Variants in ADK observed in about 807,000 individuals in gnomAD.
ADK encodes the protein N6,N6-dimethyladenosine kinase.
ADK carries 24 observed loss-of-function variants against 44.7 expected under a neutral mutation model. That is an observed-to-expected ratio of 0.54 (90% CI 0.39 to 0.76). ADK has a LOEUF of 0.76. Among genes scored for constraint, ADK ranks in the 30% least tolerant of loss-of-function variants. The pLI, the probability that ADK is intolerant of heterozygous loss-of-function variation, is 0.00. For synonymous variants in ADK, 128 were observed against 142.6 expected (o/e 0.90, Z 0.73); for missense variants, 321 against 425.1 (o/e 0.76, Z 2.15).
At position 74,542,907 on chromosome 10, in the gene ADK, TA is replaced by T. The variant is rs542279674; in HGVS notation, c.726+17482del. 6.9e-4 allele frequency among the ~76,000 whole-genome samples: 105 copies of T among 151,694 alleles called. 1 individual carries two copies. Among genetic ancestry groups the T allele is most frequent in the African/African-American group, 2.5e-3 (102 of 41,434 alleles). On this transcript the variant is annotated intron_variant, in intron 7 of 10. Transcript: ENST00000539909. The stretch of plus-strand genomic sequence containing the variant: ...TTAGTTATTTATTTATTTATTTATT[TA>T]TTTTTTTAATGAGATGGAGTCTCGC...
At chr10:74,567,699 GTT>G (rs56042541) in intron 7 of ADK, among the ~76,000 whole-genome samples, 24,501 of 111,122 alleles carry the variant, frequency 0.22, 1,735 homozygotes, top group East Asian at 0.49. Flanking sequence ...TGTTTTTTTT[GTT>G]TTTTTTTTTT....
chr10:74,672,350 C>CA (rs1036140119), intron 10 of ADK, among the ~76,000 whole-genome samples: 1 of 152,124 alleles, frequency 6.6e-6, no homozygotes, highest in African/African-American at 2.4e-5. Context: ...TCCAGCTGTA[C>CA]AAAAACATAC....
chr10:74,645,198 G>A (rs1854012457), intron 9 of ADK, among the ~76,000 whole-genome samples: 1 of 152,112 alleles, frequency 6.6e-6, no homozygotes, highest in South Asian at 2.1e-4. Context: ...TTATCCATAT[G>A]TGCCCATAAA....
At chr10:74,190,961 C>T (rs1166812780) in intron 1 of ADK, among the ~76,000 whole-genome samples, 1 of 147,204 alleles carries the variant, frequency 6.8e-6, no homozygotes, top group Non-Finnish European at 1.5e-5. Context: ...ATTCAGAGTT[C>T]TGAAAAAGGC....
intron 7 of ADK, among the ~76,000 whole-genome samples, chr10:74,555,417 G>A (rs190084374): frequency 2.0e-5 from 3 of 152,100 alleles, no homozygotes; most frequent in Admixed American, 6.6e-5. Context: ...AGATGGAAGT[G>A]GGGGAGAGAG....
Position 74,316,256 on chromosome 10 carries a change from G to GA in ADK, c.273+1518dup, listed in dbSNP as rs1309728892. 8.6e-5 allele frequency among the ~76,000 whole-genome samples: 13 copies of GA among 151,698 alleles called. 2 individuals are homozygous for GA. The highest frequency in any genetic ancestry group is 2.9e-4 in the African/African-American group (12 of 41,390). On this transcript the variant is annotated intron_variant, in intron 4 of 10. Coordinates refer to ENST00000539909, the MANE Select transcript of ADK (RefSeq NM_006721.4). ...CTCCATCTCAAAAAAAAAAAAGAGA[G>GA]AAAAAAAGGATGATTTACTTAAGCC...
chr10:74,275,806 A>G (rs747255605), intron 3 of ADK, among the ~76,000 whole-genome samples: 3 of 151,956 alleles, frequency 2.0e-5, no homozygotes, highest in African/African-American at 4.8e-5. Context: ...ATGCCTGGGT[A>G]ATTTTTGTAT....
intron 4 of ADK, among the ~76,000 whole-genome samples, chr10:74,337,151 G>A (rs1038043807): frequency 2.0e-5 from 3 of 152,166 alleles, no homozygotes; most frequent in Non-Finnish European, 2.9e-5. Context: ...AGTCTACTTT[G>A]GAGACGTATG....
At chr10:74,282,620 A>ACCAT (rs1372517606) in intron 3 of ADK, among the ~76,000 whole-genome samples, 2 of 152,218 alleles carry the variant, frequency 1.3e-5, no homozygotes, top group African/African-American at 4.8e-5. Flanking sequence ...CATAGTAATG[A>ACCAT]GAATAACCAT....
At chr10:74,267,752 A>G (rs1182719935) in intron 3 of ADK, among the ~76,000 whole-genome samples, 1 of 62,774 alleles carries the variant, frequency 1.6e-5, no homozygotes, top group Admixed American at 1.5e-4. Flanking sequence ...TTATATCCTT[A>G]TTTGTGTGTG....
intron 4 of ADK, among the ~76,000 whole-genome samples, chr10:74,361,850 G>A (rs1487186559): frequency 2.6e-5 from 4 of 152,230 alleles, no homozygotes; most frequent in Non-Finnish European, 5.9e-5. Flanking sequence ...TTGGTTGACA[G>A]TTTCTTCTCC....
In ADK at chr10:74,463,700, A is replaced by G. The variant is rs181665279; in HGVS notation, c.556-61556A>G. ...TTATACAATTCTAATTGTGTCATTGAATTTCTTTTTTCTTTTTTCTCATTG... is the reference window on the plus strand; with the variant it reads ...TTATACAATTCTAATTGTGTCATTGGATTTCTTTTTTCTTTTTTCTCATTG... On this transcript the variant is annotated intron_variant, in intron 6 of 10. Coordinates refer to ENST00000539909, the MANE Select transcript of ADK (RefSeq NM_006721.4). Among the ~76,000 whole-genome samples, 449 of 152,166 alleles carry G rather than the reference A, an allele frequency of 3.0e-3. 1 individual carries two copies. Among genetic ancestry groups the G allele is most frequent in the Non-Finnish European group, 5.3e-3 (361 of 67,992 alleles).
chr10:74,564,538 C>T lies in ADK; in HGVS notation c.727-24744C>T, dbSNP rs966708761. 2.6e-5 allele frequency among the ~76,000 whole-genome samples: 4 copies of T among 152,110 alleles called. No homozygotes were observed. The East Asian group carries it at 7.7e-4, about 29-fold the overall frequency. On this transcript the variant is annotated intron_variant, in intron 7 of 10. Coordinates refer to ENST00000539909, the MANE Select transcript of ADK (RefSeq NM_006721.4). ...TCTCAACAAACCTTTCCTGACTAAC[C>T]CTGTTTCCTTTTTTAAAATTCTTTG...
intron 6 of ADK, among the ~76,000 whole-genome samples, chr10:74,522,284 G>A (rs746753754): frequency 1.2e-4 from 18 of 152,148 alleles, no homozygotes; most frequent in Non-Finnish European, 2.4e-4. Context: ...TGAAGGATGT[G>A]GAAGCCAGCA....
intron 9 of ADK, among the ~76,000 whole-genome samples, chr10:74,621,400 G>C (rs972285150): frequency 2.0e-4 from 31 of 152,236 alleles, no homozygotes; most frequent in Admixed American, 1.7e-3. Context: ...ATTAATTTCT[G>C]AGTTCTCTAT....
intron 9 of ADK, among the ~76,000 whole-genome samples, chr10:74,604,757 T>C (rs1564815487): frequency 6.6e-6 from 1 of 152,216 alleles, no homozygotes; most frequent in Non-Finnish European, 1.5e-5. Context: ...TGGTTCCATA[T>C]GAAATTTAAT....
At chr10:74,416,031 TATACACAC>T (rs764376165) in intron 6 of ADK, among the ~76,000 whole-genome samples, 1,952 of 82,856 alleles carry the variant, frequency 0.024, 42 homozygotes, top group African/African-American at 0.066. Flanking sequence ...CACATACATA[TATACACAC>T]ACACACACAC....
intron 9 of ADK, among the ~76,000 whole-genome samples, chr10:74,619,042 G>GTGTT (rs1852882448): frequency 6.7e-6 from 1 of 149,910 alleles, no homozygotes; most frequent in Non-Finnish European, 1.5e-5. Context: ...GTGTGTGTGT[G>GTGTT]TGTGTGTGTG....
At chr10:74,186,182 C>A in intron 1 of ADK, among the ~76,000 whole-genome samples, 1 of 139,644 alleles carries the variant, frequency 7.2e-6, no homozygotes, top group East Asian at 2.1e-4. Flanking sequence ...TCAAATCAGC[C>A]TTCCCTTTCC....
Sources: gnomAD v4.1 joint callset for allele counts (sites outside exome capture counted in the v4.1 genomes callset) on GRCh38, gnomAD v4.1.1 for gene constraint, MANE v1.5 for transcripts, NCBI Gene and HGNC (gene_info 2026-07-23, HGNC 2026-07-21) for gene names.